Variants in ANKRD33B observed in about 807,000 individuals in gnomAD.
ANKRD33B encodes ankyrin repeat domain 33B.
Under a neutral mutation model 21.5 loss-of-function variants are expected in ANKRD33B, and 6 were observed. The ratio of observed to expected loss-of-function variants is 0.28; its 90% CI spans 0.15 to 0.55. The LOEUF is 0.55. ANKRD33B is among the 20% of genes least tolerant of loss of function. ANKRD33B has a pLI of 0.94. For synonymous variants in ANKRD33B, 347 were observed against 342.4 expected (o/e 1.01, Z -0.15); for missense variants, 698 against 747.2 (o/e 0.93, Z 0.77).
intron 1 of ANKRD33B, among the ~76,000 whole-genome samples, chr5:10,594,581 G>A (rs1285883549): frequency 6.6e-6 from 1 of 152,134 alleles, no homozygotes; most frequent in Non-Finnish European, 1.5e-5. Context: ...CATGCATGCC[G>A]AGGGCACATG....
chr5:10,639,835 GCGA>G (rs1269367927), intron 3 of ANKRD33B, among the ~76,000 whole-genome samples: 9 of 14,520 alleles, frequency 6.2e-4, no homozygotes, highest in Non-Finnish European at 1.4e-3. Context: ...GAGTTGCGCG[GCGA>G]TGTTAGCGGG....
At chr5:10,616,094 T>C (rs191783605) in intron 1 of ANKRD33B, among the ~76,000 whole-genome samples, 2 of 152,358 alleles carry the variant, frequency 1.3e-5, no homozygotes, top group East Asian at 1.9e-4. Flanking sequence ...TCAACAGTTA[T>C]TGAGTTGATT....
At chr5:10,583,046 G>C (rs1159550327) in intron 1 of ANKRD33B, among the ~76,000 whole-genome samples, 1 of 151,046 alleles carries the variant, frequency 6.6e-6, no homozygotes, top group Non-Finnish European at 1.5e-5. Context: ...GCCCAGGCTG[G>C]AGTGCAGTGG....
At chr5:10,625,630 TCA>T (rs1252807201) in intron 2 of ANKRD33B, among the ~76,000 whole-genome samples, 1 of 152,228 alleles carries the variant, frequency 6.6e-6, no homozygotes, top group Non-Finnish European at 1.5e-5. Context: ...TGACTGGCCT[TCA>T]CTCACTGTGG....
intron 1 of ANKRD33B, among the ~76,000 whole-genome samples, chr5:10,602,777 T>A (rs1042783902): frequency 6.6e-6 from 1 of 151,992 alleles, no homozygotes; most frequent in Non-Finnish European, 1.5e-5. Context: ...AGTCTATAGA[T>A]CCTGAAGGTC....
chr5:10,579,781 G>A (rs1461106828), intron 1 of ANKRD33B, among the ~76,000 whole-genome samples: 3 of 152,028 alleles, frequency 2.0e-5, no homozygotes, highest in South Asian at 4.1e-4. Context: ...GTAAAAGGAA[G>A]CAATTTGAAA....
chr5:10,578,413 A>G (rs946838969), intron 1 of ANKRD33B, among the ~76,000 whole-genome samples: 26 of 152,204 alleles, frequency 1.7e-4, no homozygotes, highest in African/African-American at 6.3e-4. Flanking sequence ...GTTAAGTTAC[A>G]TTATCTGGAA....
chr5:10,587,159 C>T (rs553063174), intron 1 of ANKRD33B, among the ~76,000 whole-genome samples: 16 of 152,250 alleles, frequency 1.1e-4, no homozygotes, highest in African/African-American at 1.4e-4. Flanking sequence ...GGATTACAGA[C>T]GCCCGCCACC....
At chr5:10,624,212 C>T (rs1736491176) in intron 2 of ANKRD33B, among the ~76,000 whole-genome samples, 2 of 150,992 alleles carry the variant, frequency 1.3e-5, no homozygotes, top group South Asian at 2.1e-4. Context: ...TCTCTACAAC[C>T]TCTGCTTCCC....
intron 2 of ANKRD33B, among the ~76,000 whole-genome samples, chr5:10,633,097 CTTTT>C (rs1031950496): frequency 1.7e-5 from 2 of 119,462 alleles, no homozygotes; most frequent in South Asian, 2.9e-4. Flanking sequence ...CAGTTCTCCT[CTTTT>C]TTTTTTTTTT....
chr5:10,640,396 C>T (rs1311560622), intron 3 of ANKRD33B, among the ~76,000 whole-genome samples: 2 of 152,194 alleles, frequency 1.3e-5, no homozygotes, highest in Non-Finnish European at 2.9e-5. Context: ...TGCAACAATA[C>T]TTTATACACT....
At chr5:10,600,784 A>G (rs1026572705) in intron 1 of ANKRD33B, among the ~76,000 whole-genome samples, 8 of 152,212 alleles carry the variant, frequency 5.3e-5, no homozygotes, top group African/African-American at 1.9e-4. Flanking sequence ...CCTGCTGGGA[A>G]CATGAGAGTT....
chr5:10,625,003 G>A lies in ANKRD33B; in HGVS notation c.496+6541G>A, dbSNP rs116287720. ...CTTTGAAGATTTTATGCCTGATGAC[G>A]GCAAAGGACCCCTCTCAGTGGGCAC... On this transcript the variant is annotated intron_variant, in intron 2 of 3. Coordinates refer to ENST00000296657, the MANE Select transcript of ANKRD33B (RefSeq NM_001164440.2). 2.2e-3 allele frequency: 750 copies of A among 342,450 alleles called. 4 individuals are homozygous for A. Among genetic ancestry groups the A allele is most frequent in the African/African-American group, 0.014 (675 of 46,588 alleles). The allele number at this position is 342,450 out of a possible 1,614,324, so 21.2% of individuals were successfully genotyped here.
intron 2 of ANKRD33B, among the ~76,000 whole-genome samples, chr5:10,633,840 C>T (rs188296171): frequency 2.0e-5 from 3 of 152,232 alleles, no homozygotes; most frequent in East Asian, 1.9e-4. Context: ...GGAAGACGCC[C>T]GATAAAGGGC....
intron 1 of ANKRD33B, among the ~76,000 whole-genome samples, chr5:10,608,020 A>G (rs1326507812): frequency 6.6e-6 from 1 of 152,054 alleles, no homozygotes; most frequent in Non-Finnish European, 1.5e-5. Context: ...CTGAGAACTG[A>G]ATTTGACTTT....
At chr5:10,616,387 A>G (rs1376662015) in intron 1 of ANKRD33B, among the ~76,000 whole-genome samples, 1 of 152,114 alleles carries the variant, frequency 6.6e-6, no homozygotes, top group African/African-American at 2.4e-5. Context: ...CAACATGATG[A>G]AACTCTGTCT....
intron 1 of ANKRD33B, among the ~76,000 whole-genome samples, chr5:10,566,366 A>C (rs73741397): frequency 1.7e-3 from 257 of 152,324 alleles, no homozygotes; most frequent in African/African-American, 5.8e-3. Flanking sequence ...CAAGTTCTAC[A>C]TTTGGTTTAA....
chr5:10,655,772 T>C lies in ANKRD33B; in HGVS notation c.*5659T>C, dbSNP rs1737474120. On this transcript the variant is annotated 3_prime_UTR_variant, in exon 4 of 4. Transcript: ENST00000296657. ...CCCTCCACCTCCCACGGTGGGTAAC[T>C]GTGTGGATTCTGCACCTGGCAATCG... 6.6e-6 allele frequency: 1 copy of C among 152,310 alleles called. No individual in the cohort carries two copies. The allele number at this position is 152,310 out of a possible 1,614,324, so 9.4% of individuals were successfully genotyped here. A position where few individuals can be genotyped will look rare whatever the true frequency, so the allele number is the denominator to read the frequency against.
In ANKRD33B at chr5:10,619,540, T is replaced by A. The variant is rs112406194; in HGVS notation, c.496+1078T>A. 8.4e-3 allele frequency among the ~76,000 whole-genome samples: 1,277 copies of A among 152,318 alleles called. 14 individuals carry two copies. Among genetic ancestry groups the A allele is most frequent in the African/African-American group, 0.029 (1,186 of 41,568 alleles). On this transcript the variant is annotated intron_variant, in intron 2 of 3. Transcript: ENST00000296657. This position sits in a 1 kb window ranked among gnomAD's most constrained non-coding sequence, Gnocchi z 4.5. ...ACCAGTGTTTGACAGTTTCATCCCC[T>A]GTGGTGGGAGTGGTCTGGGCACCCT...
Sources: allele counts gnomAD v4.1 joint callset (sites outside exome capture counted in the v4.1 genomes callset), GRCh38; gene constraint gnomAD v4.1.1; non-coding constraint Gnocchi (gnomAD v3.1); transcripts MANE v1.5; gene names NCBI Gene and HGNC (gene_info 2026-07-23, HGNC 2026-07-21).